CNTN3: variants seen among roughly 807,000 people sequenced by gnomAD.
CNTN3 encodes the protein contactin 3.
A neutral mutation model predicts 119.1 loss-of-function variants in CNTN3; 60 were observed. The observed-to-expected ratio is 0.50, with a 90% CI of 0.41 to 0.62. The LOEUF is 0.62. CNTN3 is among the 20% of genes least tolerant of loss of function. The probability of loss-of-function intolerance (pLI) is 0.00; values close to 1 mark genes in which losing one functional copy is unlikely to be tolerated. For synonymous variants in CNTN3, 450 were observed against 438.7 expected, an observed-to-expected ratio of 1.03 and a Z score of -0.32; for missense variants, 1,101 against 1,242.4, an observed-to-expected ratio of 0.89 and a Z score of 1.71.
Position 74,267,248 on chromosome 3 carries a change from GC to G in CNTN3, c.2817+17del, listed in dbSNP as rs1298280530. 6.5e-7 allele frequency: 1 copy of G among 1,544,694 alleles called. No individual in the cohort carries two copies. On this transcript the variant is annotated intron_variant, in intron 21 of 22. Transcript: ENST00000263665. ...GCCAAAATTACGAAAATGAAGCATT[GC>G]AAATGAGAAAACTTACTTTATATCC... is the stretch of plus-strand genomic sequence containing the variant.
intron 3 of CNTN3, among the ~76,000 whole-genome samples, chr3:74,489,515 G>GTCTA (rs1279409583): frequency 2.0e-5 from 3 of 147,926 alleles, no homozygotes; most frequent in Non-Finnish European, 4.4e-5. Context: ...TTTATGAAGT[G>GTCTA]TCTATACTGG....
intron 13 of CNTN3, among the ~76,000 whole-genome samples, chr3:74,311,596 T>A (rs917260388): frequency 2.0e-5 from 3 of 152,218 alleles, no homozygotes; most frequent in Non-Finnish European, 4.4e-5. Context: ...CAAAGTAGAA[T>A]GATTTTCTTT....
At chr3:74,468,263 C>G (rs539053659) in intron 4 of CNTN3, among the ~76,000 whole-genome samples, 1 of 152,134 alleles carries the variant, frequency 6.6e-6, no homozygotes. Flanking sequence ...TGTTAAAATG[C>G]TATTGATATC....
chr3:74,291,616 T>C (rs971692913), intron 19 of CNTN3, among the ~76,000 whole-genome samples: 1 of 152,152 alleles, frequency 6.6e-6, no homozygotes, highest in Non-Finnish European at 1.5e-5. Flanking sequence ...CCTGACCTCA[T>C]GATCTGCTTG....
chr3:74,552,142 G>C (rs901781196), intron 1 of CNTN3, among the ~76,000 whole-genome samples: 3 of 151,892 alleles, frequency 2.0e-5, no homozygotes, highest in African/African-American at 7.3e-5. Context: ...ATTTCTTTTG[G>C]TACTGAATAA....
At chr3:74,498,130 A>G (rs867382712) in intron 3 of CNTN3, among the ~76,000 whole-genome samples, 5 of 151,968 alleles carry the variant, frequency 3.3e-5, no homozygotes, top group Middle Eastern at 3.4e-3. Context: ...GACAACAGAA[A>G]AACAGCCCAC....
intron 4 of CNTN3, among the ~76,000 whole-genome samples, chr3:74,437,354 C>T (rs914070307): frequency 6.6e-5 from 10 of 151,672 alleles, no homozygotes; most frequent in East Asian, 2.0e-4. Flanking sequence ...CCCAGCTACT[C>T]GGGAGGCTGA....
rs955650954 is a variant in CNTN3 at position 74,328,894 on chromosome 3, T to C, written c.1668+5841A>G. Among the ~76,000 whole-genome samples the C allele has an allele frequency of 6.6e-5, 10 of 152,294 alleles. No individual in the cohort carries two copies. The South Asian group carries it at 1.7e-3, about 25-fold the overall frequency. On this transcript the variant is annotated intron_variant, in intron 13 of 22. Coordinates refer to ENST00000263665, the MANE Select transcript of CNTN3 (RefSeq NM_020872.3). ...TTTGTGAATTTGTTTCTGGGTACAT[T>C]CTCTTAATAGTTATTTCAAGTCAGC...
chr3:74,549,626 C>G (rs1337068916), intron 1 of CNTN3, among the ~76,000 whole-genome samples: 1 of 152,028 alleles, frequency 6.6e-6, no homozygotes, highest in Non-Finnish European at 1.5e-5. Context: ...AAAATTACTG[C>G]TTGTCAAACC....
intron 11 of CNTN3, among the ~76,000 whole-genome samples, chr3:74,341,645 C>T (rs1268488590): frequency 6.6e-6 from 1 of 151,980 alleles, no homozygotes; most frequent in Non-Finnish European, 1.5e-5. Flanking sequence ...AATGTAATTG[C>T]TCTAAGCTGC....
chr3:74,452,024 T>C (rs1702167748), intron 4 of CNTN3, among the ~76,000 whole-genome samples: 1 of 144,414 alleles, frequency 6.9e-6, no homozygotes, highest in African/African-American at 2.6e-5. Flanking sequence ...ATATGAACTT[T>C]AAAGTAGTTT....
At chr3:74,425,000 C>T (rs1034900928) in intron 4 of CNTN3, 60 bp from the exon 5 acceptor site, 7 of 1,105,614 alleles carry the variant, frequency 6.3e-6, no homozygotes, top group South Asian at 4.5e-5. Flanking sequence ...ACAAATTTTA[C>T]ACCAAGACCT....
chr3:74,323,033 C>T lies in CNTN3; in HGVS notation c.1668+11702G>A, dbSNP rs558992460. Among the ~76,000 whole-genome samples the T allele has an allele frequency of 1.2e-4, 18 of 152,192 alleles. No individual in the cohort carries two copies. In the East Asian group the frequency reaches 1.5e-3, roughly 13 times the overall value. On this transcript the variant is annotated intron_variant, in intron 13 of 22. Transcript: ENST00000263665. ...GGCAGGGTACAGAGGATTTTTAGGG[C>T]GGTGAAGCTATTCTGCGAGATACTA...
intron 5 of CNTN3, among the ~76,000 whole-genome samples, chr3:74,407,833 G>T (rs1022208643): frequency 7.2e-5 from 11 of 152,050 alleles, no homozygotes; most frequent in African/African-American, 2.7e-4. Flanking sequence ...CACTCCTCAG[G>T]GCATCCATTG....
At chr3:74,455,280 TCCAG>T (rs1468468428) in intron 4 of CNTN3, among the ~76,000 whole-genome samples, 1 of 152,134 alleles carries the variant, frequency 6.6e-6, no homozygotes, top group Non-Finnish European at 1.5e-5. Context: ...TACCCTTTCT[TCCAG>T]TTGATCGCAT....
intron 1 of CNTN3, among the ~76,000 whole-genome samples, chr3:74,539,861 A>C (rs1703817894): frequency 6.6e-6 from 1 of 152,126 alleles, no homozygotes; most frequent in Admixed American, 6.6e-5. Context: ...TTTATTTCCC[A>C]TTTCCACATT....
chr3:74,430,435 A>C (rs1701764175), intron 4 of CNTN3, among the ~76,000 whole-genome samples: 1 of 152,170 alleles, frequency 6.6e-6, no homozygotes, highest in South Asian at 2.1e-4. Flanking sequence ...AACTTTAAAA[A>C]ATTCAAATTT....
chr3:74,450,613 T>A (rs1006229306), intron 4 of CNTN3, among the ~76,000 whole-genome samples: 30 of 150,448 alleles, frequency 2.0e-4, no homozygotes, highest in Non-Finnish European at 3.3e-4. Flanking sequence ...CTGCACCCAC[T>A]AACTCGTCAT....
chr3:74,266,631 T>G lies in CNTN3; in HGVS notation c.2836A>C (p.Ser946Arg), dbSNP rs747815973. Reference protein sequence around the residue: ...TGYKVFYRTSSQNNVQVLNTN... With the variant: ...TGYKVFYRTSRQNNVQVLNTN... ...TTCAGTACTTGTACGTTATTTTGAC[T>G]GCTAGTCCTATAGAAAACCTAAAAT... Residue 946 changes from serine to arginine, a missense_variant, in exon 22 of 23, where the codon AGT becomes CGT. Transcript: ENST00000263665. The G allele has an allele frequency of 1.2e-5, 19 of 1,613,156 alleles. No individual in the cohort carries two copies. Among genetic ancestry groups the G allele is most frequent in the Non-Finnish European group, 1.4e-5 (16 of 1,179,432 alleles).
Sources: gnomAD v4.1 joint callset for allele counts (sites outside exome capture counted in the v4.1 genomes callset) on GRCh38, gnomAD v4.1.1 for gene constraint, MANE v1.5 for transcripts, NCBI Gene and HGNC (gene_info 2026-07-23, HGNC 2026-07-21) for gene names.